Variants in SEMA4F observed in about 807,000 individuals in gnomAD.
The protein encoded by SEMA4F is semaphorin-4F.
In SEMA4F, 51 loss-of-function variants were observed where a neutral mutation model predicts 78.4. The observed-to-expected ratio is 0.65, with a 90% CI of 0.52 to 0.82. SEMA4F has a LOEUF of 0.82. SEMA4F is among the 40% of genes least tolerant of loss of function. The pLI is 0.00. For synonymous variants in SEMA4F, 418 were observed against 408.7 expected, an observed-to-expected ratio of 1.02 and a Z score of -0.27; for missense variants, 938 against 1,014.4, an observed-to-expected ratio of 0.92 and a Z score of 1.02.
At chr2:74,700,008 A>G in the SEMA4F span, among the ~76,000 whole-genome samples, 1 of 152,016 alleles carries the variant, frequency 6.6e-6, no homozygotes, top group African/African-American at 2.4e-5. Context: ...ATGCTAATGG[A>G]AAGAGCCAGG....
At chr2:74,661,386 A>G (rs1400316258) in intron 4 of SEMA4F, among the ~76,000 whole-genome samples, 1 of 152,200 alleles carries the variant, frequency 6.6e-6, no homozygotes, top group Non-Finnish European at 1.5e-5. Flanking sequence ...AATACTTCAG[A>G]TTAATCTTGG....
Position 74,675,189 on chromosome 2 carries a change from C to T in SEMA4F, c.1177C>T (p.His393Tyr). The stretch of plus-strand genomic sequence containing the variant: ...CATCACCAACAACATGAAGCTCCGG[C>T]ACTTTGGCTCATCTCTCTCCCTGCC... ...ECITNNMKLRHFGSSLSLPDR... is the reference protein window; with the variant it reads ...ECITNNMKLRYFGSSLSLPDR... Residue 393 changes from histidine to tyrosine, a missense_variant, in exon 10 of 14, where the codon CAC (histidine) becomes TAC (tyrosine). Physicochemically the swap from His to Tyr is moderately conservative, Grantham distance 83. Transcript: ENST00000357877. 1 of 1,614,168 alleles carries T rather than the reference C, an allele frequency of 6.2e-7. No individual in the cohort carries two copies. Among genetic ancestry groups the T allele is most frequent in the South Asian group, 1.1e-5 (1 of 91,086 alleles).
downstream of SEMA4F, among the ~76,000 whole-genome samples, chr2:74,685,508 ACTT>A (rs922390803): frequency 9.9e-5 from 15 of 152,116 alleles, no homozygotes; most frequent in African/African-American, 3.1e-4. Flanking sequence ...TAGAGACAAG[ACTT>A]CTTCTTTAGC....
downstream of SEMA4F, among the ~76,000 whole-genome samples, chr2:74,685,872 AAAT>A (rs768061214): frequency 6.6e-6 from 1 of 152,206 alleles, no homozygotes; most frequent in Non-Finnish European, 1.5e-5. Context: ...TACAAGAAAA[AAAT>A]AACCCCATCA....
downstream of SEMA4F, among the ~76,000 whole-genome samples, chr2:74,688,779 G>A (rs1261404883): frequency 6.6e-6 from 1 of 152,126 alleles, no homozygotes; most frequent in Non-Finnish European, 1.5e-5. Context: ...TTATTCCAAC[G>A]GAGTAGTTGG....
At chr2:74,704,129 C>T in the SEMA4F span, among the ~76,000 whole-genome samples, 5 of 151,938 alleles carry the variant, frequency 3.3e-5, no homozygotes, top group Admixed American at 2.0e-4. Flanking sequence ...TTAAATTCAT[C>T]CCAGCTTGGT....
In SEMA4F at chr2:74,654,249, T is replaced by G; in HGVS notation, c.-128T>G. The G allele has an allele frequency of 8.8e-7, 1 of 1,130,816 alleles. No homozygotes were observed. The highest frequency in any genetic ancestry group is 1.2e-6 in the Non-Finnish European group (1 of 862,138). The allele number at this position is 1,130,816 out of a possible 1,614,324, so 70.0% of individuals were successfully genotyped here. On this transcript the variant is annotated 5_prime_UTR_variant, in exon 1 of 14. Transcript: ENST00000357877. ...CTGAGGGGGCGGAGCCGGGCGGTGT[T>G]TCATCCCTCAGCCTCAGGCTGAGCC...
chr2:74,655,467 C>A, intron 1 of SEMA4F: 1 of 193,580 alleles, frequency 5.2e-6, no homozygotes, highest in Non-Finnish European at 1.2e-5. Context: ...CAGACAGAAC[C>A]AGTGAAGCCA....
chr2:74,680,079 T>C lies in SEMA4F; in HGVS notation c.2183T>C (p.Leu728Pro). 1 of 1,614,082 alleles carries C rather than the reference T, an allele frequency of 6.2e-7. No individual in the cohort carries two copies. The highest frequency in any genetic ancestry group is 8.5e-7 in the Non-Finnish European group (1 of 1,179,904). ...SPSPEDERLP[L>P]ALAKRGSGFG... ...TCTCCTGAAGATGAGCGGTTGCCGC[T>C]GGCCCTGGCCAAGAGGGGCAGTGGC... Residue 728 changes from leucine to proline, a missense_variant, in exon 14 of 14, where the codon CTG becomes CCG. Physicochemically the swap from Leu to Pro is moderately conservative, Grantham distance 98. Transcript: ENST00000357877.
the SEMA4F span, among the ~76,000 whole-genome samples, chr2:74,689,236 A>G: frequency 6.6e-6 from 1 of 152,226 alleles, no homozygotes; most frequent in African/African-American, 2.4e-5. Context: ...TGAGACATAT[A>G]CATGCCTCAT....
In SEMA4F at chr2:74,663,217, A is replaced by G. The variant is rs779730070; in HGVS notation, c.550+392A>G. 6.8e-4 allele frequency among the ~76,000 whole-genome samples: 104 copies of G among 152,376 alleles called. 1 individual carries two copies. Among genetic ancestry groups the G allele is most frequent in the Non-Finnish European group, 3.7e-4 (25 of 68,030 alleles). On this transcript the variant is annotated intron_variant, in intron 5 of 13. Transcript: ENST00000357877. ...GCACTTTCCAAAAGAACTTTATGTA[A>G]TGATGGAAATGTTCTACATCTGCAC...
At chr2:74,671,136 G>A (rs534001858) in intron 5 of SEMA4F, among the ~76,000 whole-genome samples, 2 of 152,246 alleles carry the variant, frequency 1.3e-5, no homozygotes, top group South Asian at 4.1e-4. Flanking sequence ...ATTAATACAA[G>A]TACTAGTACT....
chr2:74,654,280 G>C lies in SEMA4F; in HGVS notation c.-97G>C, dbSNP rs976559642. The C allele has an allele frequency of 4.0e-5, 53 of 1,330,140 alleles. No homozygotes were observed. Among genetic ancestry groups the C allele is most frequent in the Non-Finnish European group, 2.0e-5 (21 of 1,035,396 alleles). 82.4% of individuals were successfully genotyped at this position (1,330,140 alleles called of 1,614,324 possible). A position where few individuals can be genotyped will look rare whatever the true frequency, so the allele number is the denominator to read the frequency against. ...CCTCAGCCTCAGGCTGAGCCGGACC[G>C]AGCCGAGAGGACCCGAGTGGGGCCG... On this transcript the variant is annotated 5_prime_UTR_variant, in exon 1 of 14. Coordinates refer to ENST00000357877, the MANE Select transcript of SEMA4F (RefSeq NM_004263.5).
the SEMA4F span, among the ~76,000 whole-genome samples, chr2:74,692,555 A>C: frequency 6.6e-6 from 1 of 152,154 alleles, no homozygotes; most frequent in Admixed American, 6.5e-5. Flanking sequence ...CTTCTGTTGG[A>C]TGTGTGGCAA....
intron 5 of SEMA4F, among the ~76,000 whole-genome samples, chr2:74,672,774 G>A (rs1043582023): frequency 2.6e-5 from 4 of 152,080 alleles, no homozygotes. Flanking sequence ...CTGATTCCTT[G>A]TTGTTTCTCC....
downstream of SEMA4F, among the ~76,000 whole-genome samples, chr2:74,687,223 A>G (rs532674904): frequency 6.6e-5 from 10 of 152,292 alleles, no homozygotes; most frequent in Admixed American, 2.0e-4. Context: ...CTTGTTCCCA[A>G]CTAGGGAGAA....
the SEMA4F span, among the ~76,000 whole-genome samples, chr2:74,693,866 A>G: frequency 2.0e-4 from 31 of 152,054 alleles, no homozygotes; most frequent in African/African-American, 7.2e-4. Context: ...AGTTCCCAGT[A>G]GTGATAGATA....
At chr2:74,667,002 T>C (rs1318277167) in intron 5 of SEMA4F, among the ~76,000 whole-genome samples, 1 of 152,184 alleles carries the variant, frequency 6.6e-6, no homozygotes, top group Non-Finnish European at 1.5e-5. Context: ...GTATTTTGAG[T>C]GTTTTCTTCT....
the SEMA4F span, among the ~76,000 whole-genome samples, chr2:74,698,040 A>T: frequency 3.9e-5 from 6 of 152,344 alleles, no homozygotes; most frequent in Admixed American, 3.3e-4. Flanking sequence ...GACTGTTTGG[A>T]TAGGAAATTC....
Sources: gnomAD v4.1 joint callset for allele counts (sites outside exome capture counted in the v4.1 genomes callset) on GRCh38, gnomAD v4.1.1 for gene constraint, MANE v1.5 for transcripts, NCBI Gene and HGNC (gene_info 2026-07-23, HGNC 2026-07-21) for gene names.